The following BFSP2 variants were observed in gnomAD, a reference collection of about 807,000 sequenced individuals.
BFSP2 encodes phakinin.
BFSP2 carries 38 observed loss-of-function variants against 44.9 expected under a neutral mutation model. That is an observed-to-expected ratio of 0.85 (90% CI 0.65 to 1.11). The LOEUF (loss-of-function observed/expected upper bound fraction) is 1.11. BFSP2 is among the 50% of genes least tolerant of loss of function. The pLI is 0.00. For synonymous variants in BFSP2, 197 were observed against 209.9 expected, an observed-to-expected ratio of 0.94 and a Z score of 0.53; for missense variants, 525 against 533.0, an observed-to-expected ratio of 0.99 and a Z score of 0.15.
At chr3:133,418,355 C>T (rs34408680) in intron 1 of BFSP2, among the ~76,000 whole-genome samples, 15,925 of 152,162 alleles carry the variant, frequency 0.1, 984 homozygotes, top group African/African-American at 0.16. Context: ...CAGGGAAACA[C>T]GGGCCTTGTT....
At chr3:133,428,255 C>A (rs1410810509) in intron 1 of BFSP2, among the ~76,000 whole-genome samples, 1 of 152,076 alleles carries the variant, frequency 6.6e-6, no homozygotes, top group Non-Finnish European at 1.5e-5. Flanking sequence ...CCTGGAGAAA[C>A]CCGCAAGAGG....
At chr3:133,428,810 CT>C (rs1363068164) in intron 1 of BFSP2, among the ~76,000 whole-genome samples, 9 of 152,224 alleles carry the variant, frequency 5.9e-5, no homozygotes, top group Admixed American at 5.9e-4. Flanking sequence ...ACCGCCTGCC[CT>C]CGCTCTGACC....
At chr3:133,459,205 G>C (rs1318277629) in intron 4 of BFSP2, among the ~76,000 whole-genome samples, 1 of 152,108 alleles carries the variant, frequency 6.6e-6, no homozygotes, top group African/African-American at 2.4e-5. Context: ...TTGGTCAGGT[G>C]TAGAAGCACG....
At chr3:133,462,300 A>G (rs771636993) in intron 4 of BFSP2, among the ~76,000 whole-genome samples, 2 of 152,254 alleles carry the variant, frequency 1.3e-5, no homozygotes, top group Non-Finnish European at 2.9e-5. Context: ...GTATTAAGAG[A>G]GTGTGAAAAA....
chr3:133,451,500 A>C (rs1371765487), intron 4 of BFSP2, among the ~76,000 whole-genome samples: 1 of 152,222 alleles, frequency 6.6e-6, no homozygotes, highest in African/African-American at 2.4e-5. Context: ...GTAGCTAATG[A>C]GCATAGCTGT....
chr3:133,430,442 G>A lies in BFSP2; in HGVS notation c.490-16875G>A, dbSNP rs540484948. Among the ~76,000 whole-genome samples the A allele has an allele frequency of 4.0e-5, 6 of 151,848 alleles. No individual in the cohort carries two copies. The South Asian group carries it at 1.0e-3, about 26-fold the overall frequency. On this transcript the variant is annotated intron_variant, in intron 1 of 6. Transcript: ENST00000302334. ...GTTGTTTCCTGACTTTTTAATGATC[G>A]CCATTCTAACTGGTGTGAGATGGTA...
In BFSP2 at chr3:133,465,718, C is replaced by T. The variant is rs185362274; in HGVS notation, c.892-1110C>T. 3.9e-5 allele frequency among the ~76,000 whole-genome samples: 6 copies of T among 152,282 alleles called. No homozygotes were observed. In the East Asian group the frequency reaches 5.8e-4, roughly 15 times the overall value. ...AGTTGGATAACTCCTGGTTTGAGGG[C>T]GGTATGGGACAACTGGCACTGTCTT... On this transcript the variant is annotated intron_variant, in intron 4 of 6. Transcript: ENST00000302334.
At chr3:133,431,883 G>A (rs573713160) in intron 1 of BFSP2, among the ~76,000 whole-genome samples, 21 of 152,006 alleles carry the variant, frequency 1.4e-4, no homozygotes, top group African/African-American at 4.1e-4. Flanking sequence ...CCCTTATTAG[G>A]CCGAGACACT....
intron 4 of BFSP2, among the ~76,000 whole-genome samples, chr3:133,459,178 A>G (rs560190517): frequency 2.6e-5 from 4 of 151,694 alleles, no homozygotes; most frequent in Non-Finnish European, 5.9e-5. Flanking sequence ...CACCTCTACA[A>G]AAAAAAATGT....
intron 1 of BFSP2, among the ~76,000 whole-genome samples, chr3:133,443,574 C>A (rs1359641534): frequency 6.6e-6 from 1 of 152,160 alleles, no homozygotes; most frequent in East Asian, 1.9e-4. Context: ...GAAGCATCTG[C>A]CGGGCTTGGT....
At chr3:133,460,178 G>A (rs2074049130) in intron 4 of BFSP2, among the ~76,000 whole-genome samples, 1 of 152,142 alleles carries the variant, frequency 6.6e-6, no homozygotes, top group Admixed American at 6.5e-5. Context: ...ATCTACCAAG[G>A]GTTCTAAGCA....
intron 1 of BFSP2, among the ~76,000 whole-genome samples, chr3:133,446,551 A>G (rs2073898676): frequency 8.9e-6 from 1 of 112,928 alleles, no homozygotes; most frequent in Non-Finnish European, 1.7e-5. Flanking sequence ...TCCCCCTATC[A>G]GAGCCTTCAG....
chr3:133,419,757 G>T (rs1397531884), intron 1 of BFSP2, among the ~76,000 whole-genome samples: 1 of 152,232 alleles, frequency 6.6e-6, no homozygotes, highest in African/African-American at 2.4e-5. Context: ...CTTTGCTGCT[G>T]GGGAATAGCA....
intron 1 of BFSP2, among the ~76,000 whole-genome samples, chr3:133,441,878 C>T (rs576680332): frequency 7.2e-5 from 11 of 152,124 alleles, no homozygotes; most frequent in South Asian, 4.1e-4. Context: ...AAGCACTGCT[C>T]GCAGTAAGGT....
intron 1 of BFSP2, among the ~76,000 whole-genome samples, chr3:133,415,305 T>A (rs2073509710): frequency 1.1e-5 from 1 of 93,410 alleles, no homozygotes; most frequent in Non-Finnish European, 2.0e-5. Flanking sequence ...CTCTCCCCTC[T>A]ACTCGCCCCT....
intron 3 of BFSP2, chr3:133,449,121 C>T (rs903134021): frequency 1.2e-5 from 2 of 165,566 alleles, no homozygotes; most frequent in African/African-American, 4.8e-5. Context: ...TGCGAGACTT[C>T]AGCAATTCTA....
intron 4 of BFSP2, among the ~76,000 whole-genome samples, chr3:133,463,580 T>C (rs921394087): frequency 1.3e-5 from 2 of 152,198 alleles, no homozygotes; most frequent in African/African-American, 4.8e-5. Context: ...TTTAAGGCAT[T>C]CTTCTCTTAC....
chr3:133,458,918 G>A (rs73863552), intron 4 of BFSP2, among the ~76,000 whole-genome samples: 14,675 of 152,168 alleles, frequency 0.096, 716 homozygotes, highest in East Asian at 0.18. Context: ...CAAACCAGGT[G>A]CAAGGCCCTG....
intron 3 of BFSP2, among the ~76,000 whole-genome samples, chr3:133,450,016 A>AGGAAGGAGGGAG (rs1225503133): frequency 3.2e-5 from 3 of 93,280 alleles, no homozygotes; most frequent in African/African-American, 4.4e-5. Flanking sequence ...GAAGGAAGGA[A>AGGAAGGAGGGAG]GGAGGGAGGG....
Sources: gnomAD v4.1 joint callset for allele counts (sites outside exome capture counted in the v4.1 genomes callset) on GRCh38, gnomAD v4.1.1 for gene constraint, MANE v1.5 for transcripts, NCBI Gene and HGNC (gene_info 2026-07-23, HGNC 2026-07-21) for gene names.